Variants in SLC11A2 observed in about 807,000 individuals in gnomAD.
SLC11A2 encodes solute carrier family 11 member 2, also known as natural resistance-associated macrophage protein 2.
Under a neutral mutation model 68.0 loss-of-function variants are expected in SLC11A2, and 38 were observed. The ratio of observed to expected loss-of-function variants is 0.56; its 90% CI spans 0.43 to 0.73. SLC11A2 has a LOEUF of 0.73. Among genes scored for constraint, SLC11A2 ranks in the 30% least tolerant of loss-of-function variants. SLC11A2 has a pLI of 0.00. For synonymous variants in SLC11A2, 242 were observed against 250.6 expected, an observed-to-expected ratio of 0.97 and a Z score of 0.32; for missense variants, 517 against 690.5, an observed-to-expected ratio of 0.75 and a Z score of 2.82.
downstream of SLC11A2, chr12:50,980,000 C>T (rs1208900018): frequency 8.9e-6 from 4 of 451,496 alleles, no homozygotes; most frequent in Non-Finnish European, 1.8e-5. Flanking sequence ...CCAAGGCCAG[C>T]AGATTACTTG....
At chr12:50,955,954 A>C in the SLC11A2 span, among the ~76,000 whole-genome samples, 1 of 152,270 alleles carries the variant, frequency 6.6e-6, no homozygotes, top group African/African-American at 2.4e-5. Flanking sequence ...AAATTCAATT[A>C]TAAACAAACT....
At chr12:50,964,390 A>G in the SLC11A2 span, among the ~76,000 whole-genome samples, 1 of 152,238 alleles carries the variant, frequency 6.6e-6, no homozygotes, top group South Asian at 2.1e-4. Context: ...ATTATTAGGC[A>G]TCCTGCCTGT....
At chr12:50,985,897 G>C, downstream of SLC11A2, 3 of 1,051,328 alleles carry the variant, frequency 2.9e-6, no homozygotes, top group Non-Finnish European at 3.5e-6. Context: ...TGCCATTCCA[G>C]GTGGTAGTTG....
intron 1 of SLC11A2, among the ~76,000 whole-genome samples, chr12:51,013,439 C>T (rs1302663629): frequency 1.3e-5 from 2 of 151,222 alleles, no homozygotes; most frequent in Non-Finnish European, 3.0e-5. Context: ...TACAGGCGCC[C>T]ACCACCGAGC....
In SLC11A2 at chr12:51,004,965, G is replaced by A. The variant is rs1942596118; in HGVS notation, c.310-58C>T. On this transcript the variant is annotated intron_variant, in intron 4 of 15. Transcript: ENST00000262052. The stretch of plus-strand genomic sequence containing the variant: ...TGAACAACTGAGTTTTTGTCTGTTT[G>A]TTTGTTTAGTTGTTTGGCAACATGA... 1.6e-5 allele frequency: 25 copies of A among 1,598,310 alleles called. No individual in the cohort carries two copies. In the South Asian group the frequency reaches 2.7e-4, roughly 17 times the overall value.
the SLC11A2 span, among the ~76,000 whole-genome samples, chr12:50,963,333 G>T: frequency 7.7e-6 from 1 of 130,110 alleles, no homozygotes; most frequent in South Asian, 2.4e-4. Flanking sequence ...CCACGCCACT[G>T]CACTCCAGCC....
At chr12:51,001,511 C>A (rs529660331) in intron 5 of SLC11A2, among the ~76,000 whole-genome samples, 1 of 150,954 alleles carries the variant, frequency 6.6e-6, no homozygotes, top group Non-Finnish European at 1.5e-5. Flanking sequence ...ATGTAACAAA[C>A]CTTCACATGT....
At chr12:50,954,152 G>A in the SLC11A2 span, 2 of 978,416 alleles carry the variant, frequency 2.0e-6, no homozygotes, top group African/African-American at 1.6e-5. Context: ...GCCTTACCCA[G>A]TGCCTTTGCG....
chr12:50,963,369 CAAAAAAAA>C, the SLC11A2 span, among the ~76,000 whole-genome samples: 5 of 72,400 alleles, frequency 6.9e-5, no homozygotes, highest in South Asian at 1.9e-3. Flanking sequence ...GACTCCATCT[CAAAAAAAA>C]AAAAAAAAAA....
At chr12:50,967,878 G>T in the SLC11A2 span, among the ~76,000 whole-genome samples, 2 of 152,118 alleles carry the variant, frequency 1.3e-5, no homozygotes, top group African/African-American at 4.8e-5. Flanking sequence ...CTTGAGCCCA[G>T]GAGTTTGAGA....
chr12:51,007,921 G>A (rs1411047689), intron 3 of SLC11A2, among the ~76,000 whole-genome samples: 1 of 152,228 alleles, frequency 6.6e-6, no homozygotes, highest in Non-Finnish European at 1.5e-5. Context: ...GATTACAGGT[G>A]TGAGCCTGGG....
At chr12:50,953,132 T>C in the SLC11A2 span, among the ~76,000 whole-genome samples, 2 of 152,146 alleles carry the variant, frequency 1.3e-5, no homozygotes, top group African/African-American at 4.8e-5. Flanking sequence ...TTTCTGGGCT[T>C]TCCCATTATC....
At position 50,988,209 on chromosome 12, in the gene SLC11A2, G is replaced by C; in HGVS notation, c.*116C>G. The C allele has an allele frequency of 6.3e-7, 1 of 1,575,856 alleles. No individual in the cohort carries two copies. Among genetic ancestry groups the C allele is most frequent in the South Asian group, 1.2e-5 (1 of 86,762 alleles). On this transcript the variant is annotated 3_prime_UTR_variant, in exon 16 of 16. Coordinates refer to ENST00000262052, the MANE Select transcript of SLC11A2 (RefSeq NM_000617.3). ...GAAACAAAGTCTTTTCCAACCAACG[G>C]TTGAGTCATAAACACAGTCTGTGCA...
At chr12:50,991,286 A>C (rs901535074) in intron 14 of SLC11A2, among the ~76,000 whole-genome samples, 1 of 152,198 alleles carries the variant, frequency 6.6e-6, no homozygotes, top group Admixed American at 6.5e-5. Context: ...GATATATATA[A>C]AAGGTACTAA....
At chr12:51,004,969 G>A in intron 4 of SLC11A2, 62 bp from the exon 5 acceptor site, 4 of 1,592,518 alleles carry the variant, frequency 2.5e-6, no homozygotes, top group Non-Finnish European at 2.6e-6. Flanking sequence ...CTGTTTGTTT[G>A]TTTAGTTGTT....
downstream of SLC11A2, among the ~76,000 whole-genome samples, chr12:50,977,977 T>C (rs1447255114): frequency 1.3e-5 from 2 of 152,144 alleles, no homozygotes; most frequent in African/African-American, 4.8e-5. Flanking sequence ...TGGCGATCAT[T>C]AAAAAGTCAG....
At chr12:50,980,366 G>A (rs572898465), downstream of SLC11A2, 5 of 159,764 alleles carry the variant, frequency 3.1e-5, no homozygotes, top group African/African-American at 1.2e-4. Context: ...CTAAAAATGT[G>A]GTGCCTGTAA....
At position 51,004,875 on chromosome 12, in the gene SLC11A2, CA is replaced by C. The variant is rs763690059; in HGVS notation, c.341del (p.Val114GlyfsTer38). 1 of 1,614,162 alleles carries C rather than the reference CA, an allele frequency of 6.2e-7. No individual in the cohort carries two copies. Among genetic ancestry groups the C allele is most frequent in the South Asian group, 1.1e-5 (1 of 91,074 alleles). On this transcript the variant is annotated frameshift_variant, in exon 5 of 16. Transcript: ENST00000262052. LOFTEE classifies it high-confidence loss of function. The stretch of plus-strand genomic sequence containing the variant: ...CTGCAAGCCGCTGGAGCAGCAGCCC[CA>C]CAAGGGTGGCCAACAGAAGGATCCA... ...LLWILLLATL[V>X]GLLLQRLAAR... is the part of the protein sequence containing the mutation.
chr12:50,985,795 G>T (rs1323805693), downstream of SLC11A2, among the ~76,000 whole-genome samples: 1 of 152,008 alleles, frequency 6.6e-6, no homozygotes, highest in African/African-American at 2.4e-5. Flanking sequence ...TAATATCCTG[G>T]TATCTGCAAT....
Sources: allele counts gnomAD v4.1 joint callset (sites outside exome capture counted in the v4.1 genomes callset), GRCh38; gene constraint gnomAD v4.1.1; transcripts MANE v1.5; gene names NCBI Gene and HGNC (gene_info 2026-07-23, HGNC 2026-07-21).